AGBL4: variants seen among roughly 807,000 people sequenced by gnomAD.
The protein encoded by AGBL4 is cytosolic carboxypeptidase 6.
In AGBL4, 58 loss-of-function variants were observed where a neutral mutation model predicts 66.4. The observed-to-expected ratio is 0.87, with a 90% CI of 0.71 to 1.09. AGBL4 has a LOEUF of 1.09. Among genes scored for constraint, AGBL4 ranks in the 50% least tolerant of loss-of-function variants. The pLI is 0.00. For missense variants in AGBL4, 579 were observed against 631.0 expected (o/e 0.92, Z 0.88); for synonymous variants, 234 against 222.9 (o/e 1.05, Z -0.44).
intron 4 of AGBL4, among the ~76,000 whole-genome samples, chr1:49,151,472 T>G (rs939085426): frequency 6.6e-6 from 1 of 151,394 alleles, no homozygotes; most frequent in African/African-American, 2.4e-5. Context: ...TCTCAAACCT[T>G]ATTATGATGT....
chr1:49,773,071 C>A (rs767193182), intron 2 of AGBL4, among the ~76,000 whole-genome samples: 1 of 152,092 alleles, frequency 6.6e-6, no homozygotes, highest in Non-Finnish European at 1.5e-5. Flanking sequence ...TTCAAAATCA[C>A]GTCTTCAAGT....
intron 5 of AGBL4, among the ~76,000 whole-genome samples, chr1:49,016,466 T>G (rs1309286333): frequency 1.3e-5 from 2 of 152,190 alleles, no homozygotes; most frequent in Non-Finnish European, 2.9e-5. Flanking sequence ...CTTCATGCAT[T>G]AAATATTTAG....
intron 4 of AGBL4, among the ~76,000 whole-genome samples, chr1:49,189,118 T>C (rs1039190688): frequency 2.0e-5 from 3 of 152,118 alleles, no homozygotes; most frequent in African/African-American, 7.2e-5. Flanking sequence ...CCAGTGAGCA[T>C]CCATAGAAAG....
chr1:49,250,594 C>T (rs997338432), intron 3 of AGBL4, among the ~76,000 whole-genome samples: 3 of 151,962 alleles, frequency 2.0e-5, no homozygotes, highest in African/African-American at 2.4e-5. Flanking sequence ...CAGGTGTGTG[C>T]CACTATGCTT....
intron 3 of AGBL4, among the ~76,000 whole-genome samples, chr1:49,451,574 C>T (rs1427944417): frequency 2.0e-5 from 3 of 151,996 alleles, no homozygotes. Context: ...AAATTCACCT[C>T]AGGCACATCT....
intron 2 of AGBL4, among the ~76,000 whole-genome samples, chr1:49,807,802 T>G (rs1645008339): frequency 6.6e-6 from 1 of 152,142 alleles, no homozygotes; most frequent in African/African-American, 2.4e-5. Context: ...TGAGGAATTT[T>G]GGGAGATAAT....
chr1:49,004,320 TA>T (rs1332753225), intron 5 of AGBL4, among the ~76,000 whole-genome samples: 2 of 152,160 alleles, frequency 1.3e-5, no homozygotes, highest in Admixed American at 6.5e-5. Context: ...CATCAAGAGA[TA>T]AAGTCCTGAT....
intron 3 of AGBL4, among the ~76,000 whole-genome samples, chr1:49,349,952 A>G (rs529475352): frequency 6.6e-6 from 1 of 152,318 alleles, no homozygotes; most frequent in Admixed American, 6.5e-5. Flanking sequence ...GCCTCAGAAA[A>G]TATCAACCCT....
intron 3 of AGBL4, among the ~76,000 whole-genome samples, chr1:49,409,321 A>G (rs562943505): frequency 4.8e-4 from 73 of 152,332 alleles, no homozygotes; most frequent in African/African-American, 1.7e-3. Context: ...ACATCTAATG[A>G]GGATTTGGGG....
chr1:49,425,765 G>A (rs1645643508), intron 3 of AGBL4, among the ~76,000 whole-genome samples: 1 of 152,206 alleles, frequency 6.6e-6, no homozygotes, highest in Non-Finnish European at 1.5e-5. Context: ...GTGAGGGGGT[G>A]AGAGGAGAAA....
intron 6 of AGBL4, among the ~76,000 whole-genome samples, chr1:48,809,422 G>A (rs1306578176): frequency 6.6e-6 from 1 of 152,206 alleles, no homozygotes; most frequent in African/African-American, 2.4e-5. Context: ...TGAGAGCCCT[G>A]AGTAGGATGG....
chr1:49,420,196 T>C (rs1645513217), intron 3 of AGBL4, among the ~76,000 whole-genome samples: 1 of 152,188 alleles, frequency 6.6e-6, no homozygotes, highest in Non-Finnish European at 1.5e-5. Flanking sequence ...TCTCTCGGGA[T>C]TGAAACAGGC....
At chr1:49,911,332 G>C (rs1479788699) in intron 1 of AGBL4, among the ~76,000 whole-genome samples, 2 of 152,182 alleles carry the variant, frequency 1.3e-5, no homozygotes, top group East Asian at 3.8e-4. Context: ...CTTGTGAGAA[G>C]CACACTGAGC....
chr1:48,674,036 T>A (rs1250835), intron 6 of AGBL4, among the ~76,000 whole-genome samples: 1 of 151,888 alleles, frequency 6.6e-6, no homozygotes, highest in South Asian at 2.1e-4. Context: ...ACCCAGGCGG[T>A]ACTCCCTAGC....
chr1:49,257,093 A>G (rs1211830684), intron 3 of AGBL4, among the ~76,000 whole-genome samples: 1 of 152,126 alleles, frequency 6.6e-6, no homozygotes, highest in Non-Finnish European at 1.5e-5. Flanking sequence ...AAAGATAGAC[A>G]TATTTGAGTA....
chr1:48,597,643 G>A (rs1168061706), intron 9 of AGBL4, among the ~76,000 whole-genome samples: 1 of 140,038 alleles, frequency 7.1e-6, no homozygotes, highest in Non-Finnish European at 1.5e-5. Flanking sequence ...AGATTTTCCT[G>A]TACAAACAGA....
chr1:48,559,510 C>T (rs111942104), intron 11 of AGBL4, among the ~76,000 whole-genome samples: 24 of 152,330 alleles, frequency 1.6e-4, no homozygotes, highest in Non-Finnish European at 2.9e-4. Flanking sequence ...GTTGCTTAAA[C>T]TTAGCTTTGT....
At chr1:49,516,918 A>T (rs1251273191) in intron 3 of AGBL4, among the ~76,000 whole-genome samples, 1 of 152,100 alleles carries the variant, frequency 6.6e-6, no homozygotes, top group Non-Finnish European at 1.5e-5. Context: ...GATTTTATAA[A>T]GCTCAAGCTT....
chr1:48,973,324 C>T (rs2148955629), intron 5 of AGBL4, among the ~76,000 whole-genome samples: 1 of 152,218 alleles, frequency 6.6e-6, no homozygotes, highest in Admixed American at 6.6e-5. Context: ...GTGTACATAT[C>T]ACATTTTAGG....
Sources: allele counts gnomAD v4.1 joint callset (sites outside exome capture counted in the v4.1 genomes callset), GRCh38; gene constraint gnomAD v4.1.1; transcripts MANE v1.5; gene names NCBI Gene and HGNC (gene_info 2026-07-23, HGNC 2026-07-21).